Variants in SCTR observed in about 807,000 individuals in gnomAD.
SCTR encodes the protein pancreatic secretin receptor.
In SCTR, 56 loss-of-function variants were observed where a neutral mutation model predicts 60.8. The observed-to-expected ratio is 0.92, with a 90% confidence interval of 0.74 to 1.15. The LOEUF (loss-of-function observed/expected upper bound fraction) is 1.15, where lower values mean the gene tolerates loss of function less well. Ranked by LOEUF, SCTR falls within the 50% of genes most tolerant of loss-of-function variation. The probability of loss-of-function intolerance (pLI) is 0.00; values close to 1 mark genes in which losing one functional copy is unlikely to be tolerated. For missense variants in SCTR, 562 were observed against 550.4 expected, an observed-to-expected ratio of 1.02 and a Z score of -0.21; for synonymous variants, 202 against 217.0, an observed-to-expected ratio of 0.93 and a Z score of 0.61.
chr2:119,499,558 G>A (rs932711863), intron 1 of SCTR, among the ~76,000 whole-genome samples: 4 of 151,842 alleles, frequency 2.6e-5, no homozygotes, highest in African/African-American at 9.7e-5. Context: ...ATAAATAACA[G>A]AAAGAAAAAT....
intron 1 of SCTR, among the ~76,000 whole-genome samples, chr2:119,513,668 C>T (rs1679024659): frequency 6.6e-6 from 1 of 152,032 alleles, no homozygotes; most frequent in Non-Finnish European, 1.5e-5. Flanking sequence ...ATTTTAAATC[C>T]ACTTTCTTTT....
At chr2:119,518,830 C>A (rs901366190) in intron 1 of SCTR, among the ~76,000 whole-genome samples, 2 of 151,958 alleles carry the variant, frequency 1.3e-5, no homozygotes, top group African/African-American at 4.8e-5. Context: ...CAAGGGGGTG[C>A]CAGGAAGAGA....
intron 4 of SCTR, among the ~76,000 whole-genome samples, chr2:119,466,632 G>A (rs974395325): frequency 6.6e-6 from 1 of 152,056 alleles, no homozygotes; most frequent in African/African-American, 2.4e-5. Context: ...CACACATGTG[G>A]TCACAGCCAC....
rs572180016 is a variant in SCTR, at chr2:119,489,822, C to G, written c.193+4606G>C. 4.1e-4 allele frequency among the ~76,000 whole-genome samples: 63 copies of G among 152,256 alleles called. 1 individual carries two copies. The highest frequency in any genetic ancestry group is 1.5e-3 in the African/African-American group (62 of 41,526). The stretch of plus-strand genomic sequence containing the variant: ...GTGGAGATGTGGACAGGGGCCAAGT[C>G]AGGAGCTGGGCCTCATCCTGGAACC... On this transcript the variant is annotated intron_variant, in intron 2 of 12. Coordinates refer to ENST00000019103, the MANE Select transcript of SCTR (RefSeq NM_002980.3).
At chr2:119,460,040 G>C (rs1470311973) in intron 7 of SCTR, among the ~76,000 whole-genome samples, 1 of 151,870 alleles carries the variant, frequency 6.6e-6, no homozygotes, top group Non-Finnish European at 1.5e-5. Flanking sequence ...CGATGGCCCG[G>C]GGTCAGGTGC....
intron 5 of SCTR, among the ~76,000 whole-genome samples, chr2:119,465,158 C>A (rs1418136675): frequency 2.0e-5 from 3 of 152,188 alleles, no homozygotes; most frequent in Non-Finnish European, 4.4e-5. Flanking sequence ...GGGCATGTGA[C>A]CTAAGCCCGG....
At chr2:119,457,428 T>C (rs978763131) in intron 7 of SCTR, among the ~76,000 whole-genome samples, 2 of 152,220 alleles carry the variant, frequency 1.3e-5, no homozygotes, top group Non-Finnish European at 2.9e-5. Context: ...TTTTATATTC[T>C]TGGTCAGGCG....
chr2:119,524,088 A>G, intron 1 of SCTR, 67 bp downstream of exon 1: 1 of 1,296,310 alleles, frequency 7.7e-7, no homozygotes, highest in Non-Finnish European at 1.1e-6. Context: ...ATCCTGCCCG[A>G]GGCCGGAGAA....
intron 3 of SCTR, among the ~76,000 whole-genome samples, chr2:119,474,199 T>A (rs1028537448): frequency 6.6e-6 from 1 of 152,106 alleles, no homozygotes; most frequent in Non-Finnish European, 1.5e-5. Flanking sequence ...TCTCACCACA[T>A]GGGCAGTGGC....
At chr2:119,486,046 C>T (rs1321738536) in intron 2 of SCTR, 1 of 152,142 alleles carries the variant, frequency 6.6e-6, no homozygotes, top group East Asian at 1.9e-4. Flanking sequence ...GCTGGACGCA[C>T]AGGAGCTGTG....
chr2:119,493,907 CT>C (rs1182560825), intron 2 of SCTR, among the ~76,000 whole-genome samples: 2 of 152,178 alleles, frequency 1.3e-5, no homozygotes, highest in African/African-American at 2.4e-5. Context: ...TCCCAAAGTG[CT>C]GGGATTACAG....
At chr2:119,458,064 C>T (rs1259972353) in intron 7 of SCTR, among the ~76,000 whole-genome samples, 2 of 152,030 alleles carry the variant, frequency 1.3e-5, no homozygotes, top group South Asian at 2.1e-4. Context: ...GAGGCTGAGG[C>T]AGGAGGATCA....
rs2165062 is a variant in SCTR at position 119,455,543 on chromosome 2, A to G, written c.791-2196T>C. 7.0e-3 allele frequency among the ~76,000 whole-genome samples: 1,064 copies of G among 152,364 alleles called. 14 individuals are homozygous for G. The highest frequency in any genetic ancestry group is 0.025 in the African/African-American group (1,034 of 41,590). On this transcript the variant is annotated intron_variant, in intron 7 of 12. Coordinates refer to ENST00000019103, the MANE Select transcript of SCTR (RefSeq NM_002980.3). ...AGATAAAAGGTCGTATCTACAAGAC[A>G]CAAACAGGATGCTGTCAACAGGGAG... is the stretch of plus-strand genomic sequence containing the variant.
At chr2:119,499,646 T>A (rs1678465355) in intron 1 of SCTR, among the ~76,000 whole-genome samples, 1 of 152,102 alleles carries the variant, frequency 6.6e-6, no homozygotes, top group South Asian at 2.1e-4. Flanking sequence ...AATGAATCAA[T>A]GTAATTTATC....
At chr2:119,459,566 T>C (rs1247239408) in intron 7 of SCTR, among the ~76,000 whole-genome samples, 6 of 152,190 alleles carry the variant, frequency 3.9e-5, no homozygotes, top group Non-Finnish European at 8.8e-5. Context: ...TCAGGCCTTC[T>C]AGGGACCCTT....
intron 11 of SCTR, among the ~76,000 whole-genome samples, chr2:119,442,352 G>T (rs1682687330): frequency 6.6e-6 from 1 of 152,204 alleles, no homozygotes; most frequent in South Asian, 2.1e-4. Flanking sequence ...TGTCTCTGCG[G>T]CGCATTCACC....
intron 11 of SCTR, chr2:119,441,803 G>C (rs1463069980): frequency 1.8e-6 from 1 of 567,048 alleles, no homozygotes; most frequent in Non-Finnish European, 3.2e-6. Context: ...AGCATAAACT[G>C]TGAACTCCTT....
At chr2:119,493,531 T>C (rs1488727482) in intron 2 of SCTR, among the ~76,000 whole-genome samples, 1 of 152,132 alleles carries the variant, frequency 6.6e-6, no homozygotes, top group African/African-American at 2.4e-5. Flanking sequence ...TGATTAATAA[T>C]AATAATTAAC....
chr2:119,513,049 T>G (rs1288568238), intron 1 of SCTR, among the ~76,000 whole-genome samples: 1 of 152,226 alleles, frequency 6.6e-6, no homozygotes, highest in East Asian at 1.9e-4. Context: ...TCTTGCCTGG[T>G]GGCCTTCACT....
Sources: allele counts gnomAD v4.1 joint callset (sites outside exome capture counted in the v4.1 genomes callset), GRCh38; gene constraint gnomAD v4.1.1; transcripts MANE v1.5; gene names NCBI Gene and HGNC (gene_info 2026-07-23, HGNC 2026-07-21).